Variants in LNX1 observed in about 807,000 individuals in gnomAD.
LNX1 encodes the protein ligand of numb-protein X 1.
In LNX1, 54 loss-of-function variants were observed where a neutral mutation model predicts 68.4. The observed-to-expected ratio is 0.79, with a 90% confidence interval of 0.63 to 0.99. The LOEUF is 0.99. LNX1 is among the 50% of genes least tolerant of loss of function. The pLI, the probability that LNX1 is intolerant of heterozygous loss-of-function variation, is 0.00. For synonymous variants in LNX1, 336 were observed against 350.0 expected (o/e 0.96, Z 0.45); for missense variants, 906 against 926.4 (o/e 0.98, Z 0.29).
At chr4:53,525,183 T>C (rs891132223) in intron 2 of LNX1, among the ~76,000 whole-genome samples, 1 of 152,010 alleles carries the variant, frequency 6.6e-6, no homozygotes, top group Non-Finnish European at 1.5e-5. Context: ...TTAAAAAAAA[T>C]TAACTAAAAG....
intron 1 of LNX1, among the ~76,000 whole-genome samples, chr4:53,627,187 G>T (rs1031944591): frequency 1.7e-4 from 26 of 152,346 alleles, no homozygotes; most frequent in African/African-American, 6.3e-4. Flanking sequence ...GGAAAGCGTA[G>T]CTGGCTTAAT....
intron 2 of LNX1, among the ~76,000 whole-genome samples, chr4:53,542,999 G>T (rs1268000760): frequency 2.0e-5 from 3 of 152,190 alleles, no homozygotes; most frequent in Non-Finnish European, 4.4e-5. Context: ...CATAGGTGTG[G>T]ATTTGGAGTC....
At chr4:53,469,288 CCAA>C (rs1237024484) in intron 9 of LNX1, among the ~76,000 whole-genome samples, 1 of 152,108 alleles carries the variant, frequency 6.6e-6, no homozygotes, top group Non-Finnish European at 1.5e-5. Context: ...TTCTTTGAAA[CCAA>C]CGAGAACAAA....
chr4:53,545,221 G>A (rs1435216), intron 2 of LNX1, among the ~76,000 whole-genome samples: 149,903 of 152,352 alleles, frequency 0.98, 73,798 homozygotes, highest in Middle Eastern at 1. Context: ...TGGGAAAATA[G>A]TTATACAAAC....
chr4:53,624,567 G>A (rs1021361534), intron 1 of LNX1, among the ~76,000 whole-genome samples: 1 of 152,042 alleles, frequency 6.6e-6, no homozygotes, highest in Admixed American at 6.6e-5. Context: ...CATGAAAATG[G>A]ACTAATACAT....
rs187812597 is a variant in LNX1, at chr4:53,556,582, A to C, written c.380+17041T>G. 1.8e-3 allele frequency among the ~76,000 whole-genome samples: 271 copies of C among 152,284 alleles called. 1 individual carries two copies. The highest frequency in any genetic ancestry group is 6.3e-3 in the African/African-American group (262 of 41,558). On this transcript the variant is annotated intron_variant, in intron 2 of 10. Coordinates refer to ENST00000263925, the MANE Select transcript of LNX1 (RefSeq NM_001126328.3). ...AATGAGCCTTTTCATAATCTCTGCC[A>C]TTGTCTGTTTGTCTAGAAAAGCTTC... is the stretch of plus-strand genomic sequence containing the variant.
chr4:53,566,500 G>A lies in LNX1; in HGVS notation c.380+7123C>T, dbSNP rs1326216183. ...CCCTAAAAGAGCTCCTGAAGGAAGC[G>A]CTAAACATGGAAAGGAACAACCGGT... On this transcript the variant is annotated intron_variant, in intron 2 of 10. Coordinates refer to ENST00000263925, the MANE Select transcript of LNX1 (RefSeq NM_001126328.3). Among the ~76,000 whole-genome samples, 593 of 150,156 alleles carry A rather than the reference G, an allele frequency of 3.9e-3. 2 individuals carry two copies. The highest frequency in any genetic ancestry group is 0.013 in the African/African-American group (522 of 40,886).
In LNX1 at chr4:53,460,843, T is replaced by C; in HGVS notation, c.*64A>G. 1.4e-6 allele frequency: 2 copies of C among 1,387,264 alleles called. No individual in the cohort carries two copies. The highest frequency in any genetic ancestry group is 2.7e-5 in the South Asian group (2 of 75,426). The allele number at this position is 1,387,264 out of a possible 1,614,324, so 85.9% of individuals were successfully genotyped here. A position where few individuals can be genotyped will look rare whatever the true frequency, so the allele number is the denominator to read the frequency against. On this transcript the variant is annotated 3_prime_UTR_variant, in exon 11 of 11. Coordinates refer to ENST00000263925, the MANE Select transcript of LNX1 (RefSeq NM_001126328.3). ...TAAATATAAAAACTGACAAGATAAA[T>C]ATAGTGTTTCAACTTCTTAGCCTAT...
At chr4:53,512,877 G>T (rs1460683166) in intron 2 of LNX1, among the ~76,000 whole-genome samples, 1 of 152,084 alleles carries the variant, frequency 6.6e-6, no homozygotes, top group Non-Finnish European at 1.5e-5. Context: ...GTGCTGTCAG[G>T]AAGGAGATGG....
At chr4:53,594,141 A>G (rs2044586030), upstream of LNX1, 1 of 56,778 alleles carries the variant, frequency 1.8e-5, no homozygotes, top group South Asian at 5.3e-4. Flanking sequence ...TGTGTGTATA[A>G]TATATATATA....
chr4:53,533,281 C>T (rs1319923044), intron 2 of LNX1, among the ~76,000 whole-genome samples: 2 of 152,060 alleles, frequency 1.3e-5, no homozygotes, highest in African/African-American at 2.4e-5. Flanking sequence ...CCAGATTTGC[C>T]CGAGGAGCTT....
At chr4:53,623,710 A>G (rs2109862999) in intron 1 of LNX1, among the ~76,000 whole-genome samples, 1 of 152,290 alleles carries the variant, frequency 6.6e-6, no homozygotes, top group East Asian at 1.9e-4. Context: ...AGAATTTATA[A>G]CTATCAAGAG....
intron 1 of LNX1, among the ~76,000 whole-genome samples, chr4:53,628,821 T>C (rs1734167050): frequency 6.6e-6 from 1 of 152,178 alleles, no homozygotes; most frequent in Non-Finnish European, 1.5e-5. Context: ...TAATGTCTTT[T>C]ACAATGACTT....
At chr4:53,492,243 G>A (rs1724733053) in intron 6 of LNX1, among the ~76,000 whole-genome samples, 1 of 152,170 alleles carries the variant, frequency 6.6e-6, no homozygotes, top group Non-Finnish European at 1.5e-5. Context: ...AGACCTGAAT[G>A]AACTGTGGGA....
intron 6 of LNX1, among the ~76,000 whole-genome samples, chr4:53,486,222 T>C (rs1724280150): frequency 6.6e-6 from 1 of 152,036 alleles, no homozygotes. Context: ...TTAGGAAACT[T>C]GGTGGTCCTC....
chr4:53,513,133 G>C (rs78896495), intron 2 of LNX1, among the ~76,000 whole-genome samples: 1,853 of 152,086 alleles, frequency 0.012, 19 homozygotes, highest in Non-Finnish European at 0.018. Flanking sequence ...AAACCGCCCA[G>C]GGAAATGTTC....
intron 2 of LNX1, among the ~76,000 whole-genome samples, chr4:53,546,294 T>C (rs1157785315): frequency 6.6e-6 from 1 of 152,174 alleles, no homozygotes; most frequent in East Asian, 1.9e-4. Flanking sequence ...GTGTTCAAAA[T>C]TGGTCGAGGA....
In LNX1 at chr4:53,478,664, C is replaced by T. The variant is rs752665620; in HGVS notation, c.1564G>A (p.Val522Ile). The change falls in exon 8 of 11, where the codon GTC becomes ATC. Residue 522 changes from valine to isoleucine, a missense_variant. Coordinates refer to ENST00000263925, the MANE Select transcript of LNX1 (RefSeq NM_001126328.3). Reference sequence around the variant, plus strand: ...TCTCTATGTGATGCTCCCCCTGCGACGGTCATGCCGAGAGATTCACCGGGG... The same window carrying T: ...TCTCTATGTGATGCTCCCCCTGCGATGGTCATGCCGAGAGATTCACCGGGG... ...KDPGESLGMT[V>I]AGGASHREWD... 15 of 1,613,944 alleles carry T rather than the reference C, an allele frequency of 9.3e-6. No individual in the cohort carries two copies. Among genetic ancestry groups the T allele is most frequent in the South Asian group, 6.6e-5 (6 of 91,064 alleles).
chr4:53,550,361 A>G (rs192621130), intron 2 of LNX1, among the ~76,000 whole-genome samples: 9 of 152,242 alleles, frequency 5.9e-5, no homozygotes, highest in Admixed American at 5.9e-4. Flanking sequence ...TTCCTCTGTA[A>G]ACTCTACCTC....
Sources: allele counts gnomAD v4.1 joint callset (sites outside exome capture counted in the v4.1 genomes callset), GRCh38; gene constraint gnomAD v4.1.1; transcripts MANE v1.5; gene names NCBI Gene and HGNC (gene_info 2026-07-23, HGNC 2026-07-21).